Variants in CAST observed in about 807,000 individuals in gnomAD.
CAST encodes the protein calpastatin.
CAST carries 76 observed loss-of-function variants against 119.6 expected under a neutral mutation model. That is an observed-to-expected ratio of 0.64 (90% confidence interval 0.53 to 0.77). The LOEUF (loss-of-function observed/expected upper bound fraction) is 0.77. CAST is among the 30% of genes least tolerant of loss of function. CAST has a pLI of 0.00. For synonymous variants in CAST, 319 were observed against 331.6 expected (o/e 0.96, Z 0.41); for missense variants, 953 against 946.5 (o/e 1.01, Z -0.09).
At chr5:96,686,267 T>C (rs1276190758) in intron 2 of CAST, among the ~76,000 whole-genome samples, 1 of 152,186 alleles carries the variant, frequency 6.6e-6, no homozygotes, top group Non-Finnish European at 1.5e-5. Context: ...TTGAAACTGC[T>C]CAAGCTCCAA....
the CAST span, among the ~76,000 whole-genome samples, chr5:96,174,503 A>G: frequency 6.6e-6 from 1 of 152,248 alleles, no homozygotes; most frequent in African/African-American, 2.4e-5. Flanking sequence ...AATCCTCTGT[A>G]TGACAAGTCT....
At chr5:96,185,199 G>GT in the CAST span, among the ~76,000 whole-genome samples, 9 of 151,772 alleles carry the variant, frequency 5.9e-5, no homozygotes, top group Non-Finnish European at 8.8e-5. Context: ...GGAGTTGTTT[G>GT]TTTTTTTCTT....
At chr5:96,631,222 C>G (rs1478339680) in intron 1 of CAST, 1 of 140,944 alleles carries the variant, frequency 7.1e-6, no homozygotes, top group Non-Finnish European at 1.6e-5. Context: ...ATTTTCATCA[C>G]CCCAAAAAGG....
the CAST span, among the ~76,000 whole-genome samples, chr5:96,174,494 A>T: frequency 3.9e-5 from 6 of 152,360 alleles, no homozygotes; most frequent in Non-Finnish European, 8.8e-5. Flanking sequence ...TCCAGTCAGA[A>T]TCCTCTGTAT....
chr5:96,726,830 C>A lies in CAST; in HGVS notation c.307C>A (p.Leu103Ile). The A allele has an allele frequency of 6.2e-7, 1 of 1,613,586 alleles. No homozygotes were observed. Among genetic ancestry groups the A allele is most frequent in the African/African-American group, 1.3e-5 (1 of 75,026 alleles). ...PVSQQMEGPH[L>I]PNKKKHKKQA... ...CAGCCAACAGATGGAAGGACCACAT[C>A]TTCCTAACAAGAAAAAACACAAAAA... is the stretch of plus-strand genomic sequence containing the variant. Residue 103 changes from leucine (L) to isoleucine (I), a missense_variant, in exon 5 of 32, where the codon CTT (leucine) becomes ATT (isoleucine). By Grantham distance (5) the Leu-to-Ile change is conservative (BLOSUM62 2). Coordinates refer to ENST00000675179, the MANE Select transcript of CAST (RefSeq NM_001750.7).
chr5:96,328,385 C>G, the CAST span, among the ~76,000 whole-genome samples: 1 of 56,354 alleles, frequency 1.8e-5, no homozygotes, highest in East Asian at 4.8e-4. Flanking sequence ...CTCTCTCCCT[C>G]TCTCTCTCTC....
the CAST span, chr5:96,415,976 G>A: frequency 1.1e-4 from 112 of 1,056,802 alleles, no homozygotes; most frequent in Non-Finnish European, 1.5e-4. Flanking sequence ...CATTTACAAT[G>A]GGTGATGTAA....
chr5:96,130,832 C>T, the CAST span, among the ~76,000 whole-genome samples: 1 of 152,052 alleles, frequency 6.6e-6, no homozygotes, highest in Non-Finnish European at 1.5e-5. Context: ...ACATGATACT[C>T]TTTTATAACC....
chr5:96,754,680 G>C lies in CAST; in HGVS notation c.1649G>C (p.Arg550Pro). Residue 550 changes from arginine (R) to proline (P), a missense_variant, in exon 22 of 32, where the codon CGT becomes CCT. By Grantham distance (103) the Arg-to-Pro change is moderately radical. Transcript: ENST00000675179. ...KVKEKAKEED[R>P]EKLGEKEETI... is the part of the protein sequence containing the mutation. ...CAGGAGAAGGCCAAAGAAGAAGACC[G>C]TGAAAAGCTTGGTGAAAAAGAAGAA... 1 of 1,607,728 alleles carries C rather than the reference G, an allele frequency of 6.2e-7. No individual in the cohort carries two copies. Among genetic ancestry groups the C allele is most frequent in the Non-Finnish European group, 8.5e-7 (1 of 1,175,136 alleles).
the CAST span, among the ~76,000 whole-genome samples, chr5:96,094,755 A>G: frequency 6.6e-6 from 1 of 152,242 alleles, no homozygotes; most frequent in African/African-American, 2.4e-5. Context: ...AGTCAGGCTC[A>G]GCAAACCTGC....
chr5:96,283,601 C>G, the CAST span, among the ~76,000 whole-genome samples: 5 of 152,202 alleles, frequency 3.3e-5, no homozygotes, highest in Non-Finnish European at 7.3e-5. Context: ...TCATTTCTGT[C>G]TGGTCCAGAC....
chr5:96,664,818 G>C (rs1446159436), intron 1 of CAST, among the ~76,000 whole-genome samples: 2 of 152,146 alleles, frequency 1.3e-5, no homozygotes, highest in Admixed American at 1.3e-4. Flanking sequence ...GCTTTTACAT[G>C]TAGCATTTGA....
At chr5:95,962,417 C>T in the CAST span, among the ~76,000 whole-genome samples, 1 of 152,200 alleles carries the variant, frequency 6.6e-6, no homozygotes, top group African/African-American at 2.4e-5. Flanking sequence ...CTCAAAACTC[C>T]TAGTACTGTA....
the CAST span, among the ~76,000 whole-genome samples, chr5:96,369,025 A>G: frequency 3.9e-5 from 6 of 152,020 alleles, no homozygotes; most frequent in Non-Finnish European, 1.5e-5. Context: ...TGATTTCTCA[A>G]TAATCGCTTC....
chr5:96,287,867 AC>A, the CAST span, among the ~76,000 whole-genome samples: 1 of 152,156 alleles, frequency 6.6e-6, no homozygotes, highest in Non-Finnish European at 1.5e-5. Context: ...AAAAGAAAGA[AC>A]TGATGGAAGT....
chr5:96,733,389 T>G (rs1013752552), intron 9 of CAST, among the ~76,000 whole-genome samples: 9 of 152,212 alleles, frequency 5.9e-5, no homozygotes, highest in African/African-American at 2.2e-4. Flanking sequence ...AGGCAGAGGA[T>G]TAGGCCCGCT....
At chr5:96,573,598 C>T (rs182594643) in intron 1 of CAST, among the ~76,000 whole-genome samples, 45 of 151,928 alleles carry the variant, frequency 3.0e-4, no homozygotes, top group Middle Eastern at 3.4e-3. Flanking sequence ...TATGATCATG[C>T]CATTGCACTC....
chr5:96,502,441 C>A, the CAST span, among the ~76,000 whole-genome samples: 1 of 151,526 alleles, frequency 6.6e-6, no homozygotes, highest in Non-Finnish European at 1.5e-5. Context: ...TTTAAAAATT[C>A]TTTAATTTTA....
the CAST span, among the ~76,000 whole-genome samples, chr5:96,080,537 G>A: frequency 6.6e-6 from 1 of 152,184 alleles, no homozygotes; most frequent in South Asian, 2.1e-4. Flanking sequence ...TTAGATTAAA[G>A]TTCATCATTT....
Sources: allele counts gnomAD v4.1 joint callset (sites outside exome capture counted in the v4.1 genomes callset), GRCh38; gene constraint gnomAD v4.1.1; transcripts MANE v1.5; gene names NCBI Gene and HGNC (gene_info 2026-07-23, HGNC 2026-07-21).